SCGB2A1: variants seen among roughly 807,000 people sequenced by gnomAD.
The protein encoded by SCGB2A1 is secretoglobin family 2A member 1.
Under a neutral mutation model 9.2 loss-of-function variants are expected in SCGB2A1, and 6 were observed. The observed-to-expected ratio is 0.66, with a 90% CI of 0.36 to 1.29. The LOEUF is 1.29. SCGB2A1 is among the 50% of genes most tolerant of loss of function. The pLI, the probability that SCGB2A1 is intolerant of heterozygous loss-of-function variation, is 0.03. For missense variants in SCGB2A1, 138 were observed against 116.9 expected, an observed-to-expected ratio of 1.18 and a Z score of -0.83; for synonymous variants, 37 against 41.0, an observed-to-expected ratio of 0.90 and a Z score of 0.37.
intron 2 of SCGB2A1, among the ~76,000 whole-genome samples, chr11:62,213,087 T>TACATATATACACATATATAC (rs1944850188): frequency 8.4e-6 from 1 of 119,254 alleles, no homozygotes; most frequent in African/African-American, 3.5e-5. Flanking sequence ...TACACATATA[T>TACATATATACACATATATAC]ACACATATAT....
rs1944819439 is a variant in SCGB2A1, at chr11:62,210,396, T to A, written c.56-17T>A. 1 of 1,493,684 alleles carries A rather than the reference T, an allele frequency of 6.7e-7. No homozygotes were observed. The highest frequency in any genetic ancestry group is 1.4e-5 in the African/African-American group (1 of 69,482). The allele number at this position is 1,493,684 out of a possible 1,614,324, so 92.5% of individuals were successfully genotyped here. On this transcript the variant is annotated splice_polypyrimidine_tract_variant and intron_variant, in intron 1 of 2. Coordinates refer to ENST00000244930, the MANE Select transcript of SCGB2A1 (RefSeq NM_002407.3). Reference sequence around the variant, plus strand: ...CCCATGTTCTTGTGTCTTTTTTTTTTTTTTTTTTTTTTCCAGATTCTGGCT... The same window carrying A: ...CCCATGTTCTTGTGTCTTTTTTTTTATTTTTTTTTTTTCCAGATTCTGGCT...
In SCGB2A1 at chr11:62,210,429, C is replaced by G. The variant is rs145074819; in HGVS notation, c.72C>G (p.Leu24=). The change falls in exon 2 of 3, where the codon CTC becomes CTG. Residue 24 remains leucine (L), a synonymous_variant. Transcript: ENST00000244930. ...TTTTTCCAGATTCTGGCTGCAAACT[C>G]CTGGAGGACATGGTTGAAAAGACCA... The part of the protein sequence containing the change: ...LHCYADSGCK[L]LEDMVEKTIN... The G allele has an allele frequency of 9.4e-4, 1,380 of 1,461,120 alleles. 2 individuals carry two copies. Among genetic ancestry groups the G allele is most frequent in the Non-Finnish European group, 9.2e-4 (994 of 1,083,216 alleles). The allele number at this position is 1,461,120 out of a possible 1,614,324, so 90.5% of individuals were successfully genotyped here.
intron 1 of SCGB2A1, among the ~76,000 whole-genome samples, chr11:62,209,823 C>T (rs927571964): frequency 1.3e-5 from 2 of 152,090 alleles, no homozygotes; most frequent in African/African-American, 4.8e-5. Context: ...TACAGGTGGA[C>T]ACCACTATGC....
At chr11:62,209,950 C>T (rs1467872821) in intron 1 of SCGB2A1, among the ~76,000 whole-genome samples, 1 of 152,182 alleles carries the variant, frequency 6.6e-6, no homozygotes, top group Non-Finnish European at 1.5e-5. Flanking sequence ...GCTGGGATTA[C>T]AGGCGTGAGC....
chr11:62,213,012 G>GCATATATATA (rs1554985849), intron 2 of SCGB2A1, among the ~76,000 whole-genome samples: 1 of 139,024 alleles, frequency 7.2e-6, no homozygotes. Flanking sequence ...ACACATATAT[G>GCATATATATA]CACATATATA....
At chr11:62,213,615 C>A in intron 2 of SCGB2A1, 111 bp from the exon 3 acceptor site, 1 of 1,035,498 alleles carries the variant, frequency 9.7e-7, no homozygotes, top group Non-Finnish European at 1.5e-6. Flanking sequence ...TGCAAATCCT[C>A]CTGAGAGTTA....
chr11:62,208,952 G>A (rs1220361405), intron 1 of SCGB2A1, among the ~76,000 whole-genome samples, 166 bp downstream of exon 1: 1 of 152,164 alleles, frequency 6.6e-6, no homozygotes, highest in Non-Finnish European at 1.5e-5. Flanking sequence ...CAAGCATGCA[G>A]TGTCCTCATG....
At position 62,211,775 on chromosome 11, in the gene SCGB2A1, T is replaced by C. The variant is rs551216385; in HGVS notation, c.243+1175T>C. Among the ~76,000 whole-genome samples, 7 of 152,300 alleles carry C rather than the reference T, an allele frequency of 4.6e-5. No homozygotes were observed. The South Asian group carries it at 1.2e-3, about 27-fold the overall frequency. The stretch of plus-strand genomic sequence containing the variant: ...TACATGACTGGAAGTCATGCACCAC[T>C]TAATTAAGTGCCTCATGAAGTGGGA... On this transcript the variant is annotated intron_variant, in intron 2 of 2. Coordinates refer to ENST00000244930, the MANE Select transcript of SCGB2A1 (RefSeq NM_002407.3).
chr11:62,213,925 T>C lies in SCGB2A1; in HGVS notation c.*155T>C, dbSNP rs1405723948. The C allele has an allele frequency of 5.2e-6, 3 of 580,584 alleles. No individual in the cohort carries two copies. The highest frequency in any genetic ancestry group is 6.0e-6 in the Non-Finnish European group (2 of 331,590). The allele number at this position is 580,584 out of a possible 1,614,324, so 36.0% of individuals were successfully genotyped here. A position where few individuals can be genotyped will look rare whatever the true frequency, so the allele number is the denominator to read the frequency against. ...CAAATTCATTTCCATTTCAATAAACTAACTGCAAATCACTAAAATTCTTTC... is the reference window on the plus strand; with the variant it reads ...CAAATTCATTTCCATTTCAATAAACCAACTGCAAATCACTAAAATTCTTTC... On this transcript the variant is annotated 3_prime_UTR_variant, in exon 3 of 3. Transcript: ENST00000244930.
chr11:62,213,311 C>T, intron 2 of SCGB2A1: 1 of 165,158 alleles, frequency 6.1e-6, no homozygotes, highest in Non-Finnish European at 1.3e-5. Flanking sequence ...ACCTTTTATG[C>T]CTGTGCAGCA....
chr11:62,210,316 G>A (rs946973602), intron 1 of SCGB2A1, 97 bp from the exon 2 acceptor site: 21 of 1,442,312 alleles, frequency 1.5e-5, no homozygotes, highest in Non-Finnish European at 1.9e-5. Flanking sequence ...CTGGAGGTAC[G>A]AAGATAGCCA....
At chr11:62,209,550 T>C (rs1365353520) in intron 1 of SCGB2A1, among the ~76,000 whole-genome samples, 1 of 152,072 alleles carries the variant, frequency 6.6e-6, no homozygotes, top group Non-Finnish European at 1.5e-5. Context: ...CCAGCTCACA[T>C]GAAGCCACGT....
intron 2 of SCGB2A1, among the ~76,000 whole-genome samples, chr11:62,211,080 C>T (rs1419281262): frequency 2.0e-5 from 3 of 151,948 alleles, no homozygotes; most frequent in Admixed American, 6.6e-5. Context: ...TGCGCCACCA[C>T]GCCGGGCTAA....
intron 2 of SCGB2A1, among the ~76,000 whole-genome samples, chr11:62,213,032 A>ATATACATG (rs1565121462): frequency 1.8e-5 from 1 of 55,594 alleles, no homozygotes; most frequent in African/African-American, 6.3e-5. Flanking sequence ...ACATATATAC[A>ATATACATG]CACATATATA....
Position 62,210,550 on chromosome 11 carries a change from T to G in SCGB2A1, c.193T>G (p.Cys65Gly), listed in dbSNP as rs201758563. 3 of 1,580,188 alleles carry G rather than the reference T, an allele frequency of 1.9e-6. No individual in the cohort carries two copies. The highest frequency in any genetic ancestry group is 2.5e-5 in the South Asian group (2 of 80,522). ...AAEAMGKFKQ[C>G]FLNQSHRTLK... The stretch of plus-strand genomic sequence containing the variant: ...AGAGGCTATGGGGAAATTCAAGCAG[T>G]GTTTCCTCAACCAGTCACATAGAAC... Residue 65 changes from cysteine to glycine, a missense_variant, in exon 2 of 3, where the codon TGT becomes GGT. By Grantham distance (159) the Cys-to-Gly change is radical. Transcript: ENST00000244930.
rs768597490 is a variant in SCGB2A1 at position 62,210,591 on chromosome 11, A to G, written c.234A>G (p.Gly78=). Residue 78 remains glycine, a synonymous_variant, in exon 2 of 3, where the codon GGA becomes GGG. Transcript: ENST00000244930. ...CACATAGAACTCTGAAAAACTTTGG[A>G]CTGATGATGGTAATTTGGGTTTCTT... The part of the protein sequence containing the change: ...NQSHRTLKNF[G]LMMHTVYDSI... 2 of 1,544,882 alleles carry G rather than the reference A, an allele frequency of 1.3e-6. No homozygotes were observed. The highest frequency in any genetic ancestry group is 1.7e-6 in the Non-Finnish European group (2 of 1,155,336).
intron 1 of SCGB2A1, 152 bp downstream of exon 1, chr11:62,208,938 C>T (rs1172754728): frequency 1.5e-6 from 1 of 678,136 alleles, no homozygotes. Context: ...GAGTTCCTGA[C>T]AATCAAGCAT....
chr11:62,213,355 A>G (rs1251602629), intron 2 of SCGB2A1: 1 of 175,454 alleles, frequency 5.7e-6, no homozygotes, highest in Non-Finnish European at 1.2e-5. Flanking sequence ...ATCTGAGCTG[A>G]GATTTTTTAA....
At chr11:62,208,842 T>C in intron 1 of SCGB2A1, 56 bp downstream of exon 1, 1 of 1,564,688 alleles carries the variant, frequency 6.4e-7, no homozygotes. Context: ...CCTGGGCCCC[T>C]GTAGAAGAAC....
Sources: gnomAD v4.1 joint callset for allele counts (sites outside exome capture counted in the v4.1 genomes callset) on GRCh38, gnomAD v4.1.1 for gene constraint, MANE v1.5 for transcripts, NCBI Gene and HGNC (gene_info 2026-07-23, HGNC 2026-07-21) for gene names.